CDH11: variants seen among roughly 807,000 people sequenced by gnomAD.
CDH11 encodes cadherin 11.
A neutral mutation model predicts 67.8 loss-of-function variants in CDH11; 11 were observed. The ratio of observed to expected loss-of-function variants is 0.16; its 90% confidence interval spans 0.10 to 0.27. The LOEUF is 0.27. CDH11 is among the 10% of genes least tolerant of loss of function. The probability of loss-of-function intolerance (pLI) is 1.00; values close to 1 mark genes in which losing one functional copy is unlikely to be tolerated. For synonymous variants in CDH11, 419 were observed against 400.0 expected, an observed-to-expected ratio of 1.05 and a Z score of -0.57; for missense variants, 847 against 1,031.2, an observed-to-expected ratio of 0.82 and a Z score of 2.45.
At chr16:65,040,871 G>A (rs141623028) in intron 2 of CDH11, among the ~76,000 whole-genome samples, 9 of 152,262 alleles carry the variant, frequency 5.9e-5, no homozygotes, top group African/African-American at 2.2e-4. Context: ...CATAGAAAAT[G>A]TAATAAGCCT....
At chr16:65,037,792 G>C (rs879771890) in intron 2 of CDH11, among the ~76,000 whole-genome samples, 2 of 152,000 alleles carry the variant, frequency 1.3e-5, no homozygotes, top group Non-Finnish European at 2.9e-5. Flanking sequence ...GCTAGGGAGG[G>C]ATCTGGAAGT....
chr16:65,112,069 CAA>C (rs35671651), intron 1 of CDH11, among the ~76,000 whole-genome samples: 15 of 91,270 alleles, frequency 1.6e-4, no homozygotes, highest in East Asian at 3.1e-4. Flanking sequence ...GACTCTGTCT[CAA>C]AAAAAAAAAA....
rs781108761 is a variant in CDH11, at chr16:64,947,602, G to A, written c.*1C>T. The A allele has an allele frequency of 1.9e-6, 3 of 1,603,702 alleles. No homozygotes were observed. The highest frequency in any genetic ancestry group is 1.1e-5 in the South Asian group (1 of 90,816). On this transcript the variant is annotated 3_prime_UTR_variant, in exon 13 of 13. Coordinates refer to ENST00000268603, the MANE Select transcript of CDH11 (RefSeq NM_001797.4). ...TTAAGGCCAAATTTGTATCGTTATT[G>A]TTAAGAATCGTCATCAAAAGTGTCT...
At chr16:65,062,229 A>G (rs1253337571) in intron 1 of CDH11, among the ~76,000 whole-genome samples, 1 of 152,202 alleles carries the variant, frequency 6.6e-6, no homozygotes, top group Non-Finnish European at 1.5e-5. Context: ...AAGACCTTTA[A>G]CCAGACACAA....
At chr16:64,963,562 TTAA>T (rs2071729434) in intron 11 of CDH11, among the ~76,000 whole-genome samples, 1 of 152,084 alleles carries the variant, frequency 6.6e-6, no homozygotes, top group African/African-American at 2.4e-5. Context: ...TTTCTCCAAA[TTAA>T]TGTCAGATAC....
chr16:64,991,953 CA>C lies in CDH11; in HGVS notation c.644-19del, dbSNP rs768845445. On this transcript the variant is annotated intron_variant, in intron 5 of 12. Transcript: ENST00000268603. ...GATGATACCTGGACAGGTAAGCAGG[CA>C]ACATCACAGATATTCGTTTATAACA... is the stretch of plus-strand genomic sequence containing the variant. 1 of 1,550,650 alleles carries C rather than the reference CA, an allele frequency of 6.4e-7. No individual in the cohort carries two copies. Among genetic ancestry groups the C allele is most frequent in the South Asian group, 1.2e-5 (1 of 84,676 alleles).
At chr16:65,071,753 C>T (rs2074420932) in intron 1 of CDH11, among the ~76,000 whole-genome samples, 1 of 152,196 alleles carries the variant, frequency 6.6e-6, no homozygotes, top group South Asian at 2.1e-4. Flanking sequence ...GCTCTGGCAG[C>T]AGCAACCAGG....
chr16:64,950,323 T>C (rs2142370034), intron 12 of CDH11, among the ~76,000 whole-genome samples: 1 of 152,328 alleles, frequency 6.6e-6, no homozygotes, highest in East Asian at 1.9e-4. Context: ...GAGTCCTTCC[T>C]ATGCTGTGTT....
At chr16:64,948,524 A>C in intron 12 of CDH11, 1 of 1,131,562 alleles carries the variant, frequency 8.8e-7, no homozygotes, top group Non-Finnish European at 1.3e-6. Context: ...CTTAGGGCCT[A>C]CCATCTTATA....
chr16:65,055,592 G>A (rs1380435402), intron 1 of CDH11, among the ~76,000 whole-genome samples: 7 of 152,170 alleles, frequency 4.6e-5, no homozygotes, highest in Admixed American at 4.6e-4. Context: ...AGGATGAACA[G>A]TACTTTAAAT....
chr16:64,986,573 G>A (rs559165102), intron 7 of CDH11: 2 of 151,868 alleles, frequency 1.3e-5, no homozygotes, highest in African/African-American at 4.8e-5. Flanking sequence ...TCAAGCAGAA[G>A]AGATAGTAAT....
intron 1 of CDH11, among the ~76,000 whole-genome samples, chr16:65,115,948 T>C (rs2075238685): frequency 6.6e-6 from 1 of 151,782 alleles, no homozygotes; most frequent in African/African-American, 2.4e-5. Context: ...AAATAAATAA[T>C]GAAGATTAGT....
intron 11 of CDH11, among the ~76,000 whole-genome samples, chr16:64,968,777 T>A (rs956943520): frequency 6.6e-6 from 1 of 152,220 alleles, no homozygotes; most frequent in Non-Finnish European, 1.5e-5. Flanking sequence ...CATTATCTCA[T>A]GTTTTCTATG....
intron 1 of CDH11, among the ~76,000 whole-genome samples, chr16:65,068,509 C>T (rs145361695): frequency 9.4e-4 from 143 of 151,814 alleles, no homozygotes; most frequent in Middle Eastern, 3.4e-3. Flanking sequence ...AGAAGACTCT[C>T]TCCCGTGACC....
chr16:65,055,551 T>C (rs1315184773), intron 1 of CDH11, among the ~76,000 whole-genome samples: 1 of 152,224 alleles, frequency 6.6e-6, no homozygotes, highest in East Asian at 1.9e-4. Context: ...TCTTATTTCA[T>C]AGGTTCACAG....
chr16:64,970,308 C>T (rs1249641164), intron 11 of CDH11, among the ~76,000 whole-genome samples: 2 of 152,146 alleles, frequency 1.3e-5, no homozygotes, highest in African/African-American at 4.8e-5. Flanking sequence ...ATCATAGACC[C>T]TCAAAATCCA....
chr16:65,068,993 T>A (rs2074368308), intron 1 of CDH11, among the ~76,000 whole-genome samples: 1 of 152,210 alleles, frequency 6.6e-6, no homozygotes, highest in Non-Finnish European at 1.5e-5. Flanking sequence ...AATAGAGCAT[T>A]AGGCTGACTC....
intron 1 of CDH11, among the ~76,000 whole-genome samples, chr16:65,076,106 G>A (rs559251131): frequency 6.6e-6 from 1 of 152,272 alleles, no homozygotes; most frequent in South Asian, 2.1e-4. Context: ...TTGAGAGTTT[G>A]CCAACAAGCC....
chr16:65,055,900 T>C (rs891595687), intron 1 of CDH11, among the ~76,000 whole-genome samples: 2 of 152,166 alleles, frequency 1.3e-5, no homozygotes, highest in African/African-American at 2.4e-5. Context: ...TAGGTTTAGA[T>C]GATGTCATGA....
Sources: allele counts gnomAD v4.1 joint callset (sites outside exome capture counted in the v4.1 genomes callset), GRCh38; gene constraint gnomAD v4.1.1; transcripts MANE v1.5; gene names NCBI Gene and HGNC (gene_info 2026-07-23, HGNC 2026-07-21).